The following SUGT1 variants were observed in gnomAD, a reference collection of about 807,000 sequenced individuals.
The protein encoded by SUGT1 is protein SGT1 homolog.
SUGT1 carries 15 observed loss-of-function variants against 56.1 expected under a neutral mutation model. The observed-to-expected ratio is 0.27, with a 90% CI of 0.18 to 0.41. The LOEUF (loss-of-function observed/expected upper bound fraction) is 0.41, where lower values mean the gene tolerates loss of function less well. Among genes scored for constraint, SUGT1 ranks in the 10% least tolerant of loss-of-function variants. The pLI, the probability that SUGT1 is intolerant of heterozygous loss-of-function variation, is 1.00. For missense variants in SUGT1, 347 were observed against 382.2 expected (o/e 0.91, Z 0.77); for synonymous variants, 123 against 128.6 (o/e 0.96, Z 0.30).
intron 12 of SUGT1, among the ~76,000 whole-genome samples, chr13:52,682,413 G>T (rs1346367728): frequency 6.6e-6 from 1 of 151,998 alleles, no homozygotes; most frequent in Non-Finnish European, 1.5e-5. Flanking sequence ...ATTGCTTAGG[G>T]TGGTCTCGAA....
intron 2 of SUGT1, among the ~76,000 whole-genome samples, chr13:52,654,451 A>T (rs1052604352): frequency 6.6e-6 from 1 of 152,232 alleles, no homozygotes; most frequent in African/African-American, 2.4e-5. Flanking sequence ...TACTTTAAAA[A>T]TTTTTATGGA....
At chr13:52,658,612 A>G in intron 4 of SUGT1, 144 bp downstream of exon 4, 1 of 721,002 alleles carries the variant, frequency 1.4e-6, no homozygotes, top group Non-Finnish European at 2.1e-6. Context: ...AATTTTAAAT[A>G]CAACTTATAG....
rs905127329 is a variant in SUGT1 at position 52,673,147 on chromosome 13, G to C, written c.628-3083G>C. Among the ~76,000 whole-genome samples, 7 of 152,212 alleles carry C rather than the reference G, an allele frequency of 4.6e-5. No individual in the cohort carries two copies. The South Asian group carries it at 1.2e-3, about 27-fold the overall frequency. ...TAGAACTATCTGCCCGAATCATGAA[G>C]ACTTAAAACTTCATTTTTAAAAGCA... On this transcript the variant is annotated intron_variant, in intron 10 of 12. Transcript: ENST00000310528.
intron 12 of SUGT1, among the ~76,000 whole-genome samples, chr13:52,681,701 G>A (rs1963380360): frequency 6.6e-6 from 1 of 151,940 alleles, no homozygotes; most frequent in South Asian, 2.1e-4. Flanking sequence ...AAGCTACCTT[G>A]GCATGATGTT....
intron 12 of SUGT1, among the ~76,000 whole-genome samples, chr13:52,684,047 ATTTAT>A (rs1436682953): frequency 6.6e-6 from 1 of 151,382 alleles, no homozygotes; most frequent in Non-Finnish European, 1.5e-5. Context: ...CATCCAACTA[ATTTAT>A]TTTAATTTAA....
chr13:52,662,815 C>A, intron 6 of SUGT1, 113 bp downstream of exon 6: 3 of 1,117,978 alleles, frequency 2.7e-6, no homozygotes, highest in Non-Finnish European at 3.8e-6. Flanking sequence ...AAATAGTATA[C>A]GTTTCCTTAG....
chr13:52,664,159 A>T (rs997563412), intron 8 of SUGT1, 102 bp downstream of exon 8: 1 of 1,271,710 alleles, frequency 7.9e-7, no homozygotes, highest in South Asian at 1.4e-5. Flanking sequence ...GTGATTTTTA[A>T]GTTTTTGTTT....
rs1963898210 is a variant in SUGT1, at chr13:52,695,318, T to C, written c.*7483T>C. ...AACAATTGACTTTAAAAAATTATAC[T>C]TCACCACAGAGACAGGTGTTGTTTT... On this transcript the variant is annotated 3_prime_UTR_variant, in exon 13 of 13. Transcript: ENST00000310528. The C allele has an allele frequency of 6.6e-6, 1 of 152,230 alleles. No individual in the cohort carries two copies. Among genetic ancestry groups the C allele is most frequent in the Non-Finnish European group, 1.5e-5 (1 of 68,044 alleles). 9.4% of individuals were successfully genotyped at this position (152,230 alleles called of 1,614,324 possible).
Position 52,689,979 on chromosome 13 carries a change from T to TA in SUGT1, c.*2156dup, listed in dbSNP as rs1356090708. The TA allele has an allele frequency of 9.5e-4, 140 of 147,226 alleles. No homozygotes were observed. The highest frequency in any genetic ancestry group is 2.2e-3 in the African/African-American group (88 of 40,208). 9.1% of individuals were successfully genotyped at this position (147,226 alleles called of 1,614,324 possible). A position where few individuals can be genotyped will look rare whatever the true frequency, so the allele number is the denominator to read the frequency against. ...ATCTCAAAAAAAATAAATAGCTGTT[T>TA]AAAAAAAAAAAATCTGGTACTATCT... is the stretch of plus-strand genomic sequence containing the variant. On this transcript the variant is annotated 3_prime_UTR_variant, in exon 13 of 13. Coordinates refer to ENST00000310528, the MANE Select transcript of SUGT1 (RefSeq NM_006704.5).
chr13:52,657,289 C>G (rs996592065), intron 2 of SUGT1, among the ~76,000 whole-genome samples: 12 of 152,058 alleles, frequency 7.9e-5, no homozygotes, highest in Middle Eastern at 3.4e-3. Flanking sequence ...TTCTATAGAC[C>G]AGGAACTAAA....
intron 10 of SUGT1, among the ~76,000 whole-genome samples, chr13:52,670,654 A>G (rs2138142354): frequency 6.6e-6 from 1 of 152,262 alleles, no homozygotes; most frequent in South Asian, 2.1e-4. Flanking sequence ...TAAAAATACA[A>G]AAAATGAACT....
At chr13:52,676,591 G>A (rs1042267396) in intron 11 of SUGT1, among the ~76,000 whole-genome samples, 6 of 152,172 alleles carry the variant, frequency 3.9e-5, no homozygotes, top group Admixed American at 3.3e-4. Context: ...ATCAGTTGGA[G>A]GGTGTTTAGT....
chr13:52,658,133 A>G, intron 3 of SUGT1: 1 of 1,365,024 alleles, frequency 7.3e-7, no homozygotes, highest in African/African-American at 1.5e-5. Context: ...AATTACATAG[A>G]AAATGTTAAT....
At chr13:52,665,789 T>C in intron 9 of SUGT1, 56 bp downstream of exon 9, 1 of 1,143,980 alleles carries the variant, frequency 8.7e-7, no homozygotes, top group Admixed American at 2.4e-5. Context: ...AAATTTAGTA[T>C]ATTGCAGAAT....
intron 7 of SUGT1, 123 bp from the exon 8 acceptor site, chr13:52,663,907 GTTATT>G (rs2138124461): frequency 1.1e-6 from 1 of 917,780 alleles, no homozygotes; most frequent in African/African-American, 1.7e-5. Flanking sequence ...TTTTCATGTA[GTTATT>G]TTATATCAAA....
At chr13:52,659,809 TATATA>T (rs1383599199) in intron 5 of SUGT1, among the ~76,000 whole-genome samples, 2 of 18,496 alleles carry the variant, frequency 1.1e-4, no homozygotes, top group Admixed American at 2.0e-3. Context: ...TATATATATA[TATATA>T]TTTTTTTTTT....
At chr13:52,654,292 C>T (rs1388410217) in intron 2 of SUGT1, among the ~76,000 whole-genome samples, 1 of 152,140 alleles carries the variant, frequency 6.6e-6, no homozygotes, top group African/African-American at 2.4e-5. Flanking sequence ...TCCATAATTT[C>T]TTGTATTAGC....
rs1223032410 is a variant in SUGT1 at position 52,697,831 on chromosome 13, A to T, written c.*9996A>T. The T allele has an allele frequency of 6.6e-6, 1 of 152,256 alleles. No individual in the cohort carries two copies. Among genetic ancestry groups the T allele is most frequent in the Non-Finnish European group, 1.5e-5 (1 of 68,052 alleles). 9.4% of individuals were successfully genotyped at this position (152,256 alleles called of 1,614,324 possible). ...TCATTGATTGCCAAATACGCATCAGACACTGAGCTAGGTGCTAGGTACTAG... is the reference window on the plus strand; with the variant it reads ...TCATTGATTGCCAAATACGCATCAGTCACTGAGCTAGGTGCTAGGTACTAG... On this transcript the variant is annotated 3_prime_UTR_variant, in exon 13 of 13. Transcript: ENST00000310528.
chr13:52,687,685 T>G, intron 12 of SUGT1, 49 bp from the exon 13 acceptor site: 1 of 1,436,034 alleles, frequency 7.0e-7, no homozygotes, highest in Non-Finnish European at 9.4e-7. Context: ...AAATATTCTA[T>G]TTTGATTATA....
Sources: allele counts gnomAD v4.1 joint callset (sites outside exome capture counted in the v4.1 genomes callset), GRCh38; gene constraint gnomAD v4.1.1; transcripts MANE v1.5; gene names NCBI Gene and HGNC (gene_info 2026-07-23, HGNC 2026-07-21).